ERG: variants seen among roughly 807,000 people sequenced by gnomAD.
ERG encodes the protein transcriptional regulator ERG.
A neutral mutation model predicts 55.3 loss-of-function variants in ERG; 9 were observed. The ratio of observed to expected loss-of-function variants is 0.16; its 90% confidence interval spans 0.10 to 0.28. The LOEUF is 0.28. Among genes scored for constraint, ERG ranks in the 10% least tolerant of loss-of-function variants. ERG has a pLI of 1.00. For synonymous variants in ERG, 223 were observed against 237.3 expected, an observed-to-expected ratio of 0.94 and a Z score of 0.55; for missense variants, 434 against 631.6, an observed-to-expected ratio of 0.69 and a Z score of 3.35.
chr21:38,540,204 A>C (rs947998727), intron 2 of ERG, among the ~76,000 whole-genome samples: 1 of 152,166 alleles, frequency 6.6e-6, no homozygotes, highest in Non-Finnish European at 1.5e-5. Context: ...AAAAGAAAAA[A>C]AATATTCAAA....
intron 1 of ERG, among the ~76,000 whole-genome samples, chr21:38,602,246 C>A (rs189121675): frequency 5.7e-4 from 87 of 152,170 alleles, no homozygotes; most frequent in Non-Finnish European, 8.4e-4. Flanking sequence ...AGATCAAGAT[C>A]ATCCTGGCTA....
chr21:38,422,345 A>C (rs1186466259), intron 3 of ERG, among the ~76,000 whole-genome samples: 3 of 152,272 alleles, frequency 2.0e-5, no homozygotes, highest in Non-Finnish European at 2.9e-5. Context: ...GCTGAGATTT[A>C]ATCCAATGCC....
rs140312640 is a variant in ERG at position 38,400,696 on chromosome 21, C to T, written c.674-51G>A. ...TGTGAAGGTCTTTTGTTGTGGTTGT[C>T]GATCTCAACATCAGCGCCAAATCTA... On this transcript the variant is annotated intron_variant, in intron 5 of 9. Transcript: ENST00000288319. 1,256 of 1,409,352 alleles carry T rather than the reference C, an allele frequency of 8.9e-4. 11 individuals carry two copies. The East Asian group carries it at 0.011, about 12-fold the overall frequency. The allele number at this position is 1,409,352 out of a possible 1,614,324, so 87.3% of individuals were successfully genotyped here. A position where few individuals can be genotyped will look rare whatever the true frequency, so the allele number is the denominator to read the frequency against.
intron 1 of ERG, among the ~76,000 whole-genome samples, chr21:38,449,565 G>C (rs1164593976): frequency 1.3e-5 from 2 of 152,006 alleles, no homozygotes; most frequent in Non-Finnish European, 2.9e-5. Context: ...CAAGTAACTA[G>C]AGTACAAAAA....
intron 2 of ERG, among the ~76,000 whole-genome samples, chr21:38,516,518 T>C (rs932282974): frequency 2.0e-5 from 3 of 151,892 alleles, no homozygotes; most frequent in African/African-American, 7.3e-5. Context: ...AGAACTAATA[T>C]CATTAAAATG....
intron 1 of ERG, among the ~76,000 whole-genome samples, chr21:38,488,529 T>C (rs956853437): frequency 2.6e-5 from 4 of 152,218 alleles, no homozygotes. Flanking sequence ...GTGTGTGCAC[T>C]GTGGTTTTAT....
intron 3 of ERG, among the ~76,000 whole-genome samples, chr21:38,409,675 C>T (rs1199632811): frequency 3.3e-5 from 5 of 151,822 alleles, no homozygotes; most frequent in Admixed American, 6.6e-5. Context: ...CAGCCTCATC[C>T]GACATGGGCA....
At chr21:38,621,016 G>C (rs1369525526) in intron 1 of ERG, among the ~76,000 whole-genome samples, 1 of 152,214 alleles carries the variant, frequency 6.6e-6, no homozygotes, top group East Asian at 1.9e-4. Flanking sequence ...ACTACTGGAG[G>C]ATTTCAAAGA....
At chr21:38,471,831 A>G (rs1297149538) in intron 1 of ERG, 1 of 152,220 alleles carries the variant, frequency 6.6e-6, no homozygotes, top group Admixed American at 6.5e-5. Context: ...ACGTGAAAAT[A>G]CTAGTATCCA....
At chr21:38,652,088 C>T (rs530615726) in intron 1 of ERG, among the ~76,000 whole-genome samples, 1 of 152,342 alleles carries the variant, frequency 6.6e-6, no homozygotes, top group South Asian at 2.1e-4. Context: ...TAACTTTACA[C>T]CTGAGATATT....
chr21:38,551,498 T>C (rs1306758160), intron 2 of ERG, among the ~76,000 whole-genome samples: 1 of 152,204 alleles, frequency 6.6e-6, no homozygotes, highest in African/African-American at 2.4e-5. Flanking sequence ...GCTATAAACT[T>C]TCCTGTTAAC....
rs1358754405 is a variant in ERG at position 38,383,970 on chromosome 21, C to T, written c.920-47G>A. On this transcript the variant is annotated intron_variant, in intron 9 of 9. Transcript: ENST00000288319. This position sits in a 1 kb window ranked among gnomAD's most constrained non-coding sequence, Gnocchi z 5.7. The stretch of plus-strand genomic sequence containing the variant: ...GGAAAACTCCAGTGAGCACAGGTTC[C>T]AGGGGAAAGAGGCTCTCTGTGATGA... 2 of 1,568,502 alleles carry T rather than the reference C, an allele frequency of 1.3e-6. No individual in the cohort carries two copies. Among genetic ancestry groups the T allele is most frequent in the Admixed American group, 1.8e-5 (1 of 56,718 alleles).
At chr21:38,573,211 G>C (rs369550204) in intron 2 of ERG, among the ~76,000 whole-genome samples, 3 of 152,232 alleles carry the variant, frequency 2.0e-5, no homozygotes, top group Admixed American at 6.5e-5. Flanking sequence ...CCTTGAAAGC[G>C]GGGTATTGTC....
Position 38,550,564 on chromosome 21 carries a change from T to C in ERG, c.-41+25098A>G, listed in dbSNP as rs374211831. 1.2e-4 allele frequency among the ~76,000 whole-genome samples: 18 copies of C among 152,262 alleles called. No individual in the cohort carries two copies. The East Asian group carries it at 2.1e-3, about 18-fold the overall frequency. ...TGAAGACCCAGCAAGAAGATGGACATCTATGAATCAGGAAGAGAGCCCTCA... is the reference window on the plus strand; with the variant it reads ...TGAAGACCCAGCAAGAAGATGGACACCTATGAATCAGGAAGAGAGCCCTCA... On this transcript the variant is annotated intron_variant, in intron 2 of 8. Coordinates refer to the ERG transcript ENST00000398897.
chr21:38,568,409 T>A (rs2059936718), intron 2 of ERG, among the ~76,000 whole-genome samples: 1 of 152,202 alleles, frequency 6.6e-6, no homozygotes. Flanking sequence ...GTAGATGCAC[T>A]ATTTCATTCC....
intron 1 of ERG, among the ~76,000 whole-genome samples, chr21:38,645,280 G>T (rs762082154): frequency 2.0e-5 from 3 of 152,130 alleles, no homozygotes; most frequent in Non-Finnish European, 4.4e-5. Flanking sequence ...CCCAGAAAAG[G>T]CAAGAAAAAC....
chr21:38,390,696 C>T (rs995913048), intron 9 of ERG, among the ~76,000 whole-genome samples: 11 of 152,202 alleles, frequency 7.2e-5, no homozygotes, highest in African/African-American at 2.4e-4. Flanking sequence ...TTCAGACTTC[C>T]AGCCTCCAGA....
intron 1 of ERG, among the ~76,000 whole-genome samples, chr21:38,456,252 T>C (rs2146583553): frequency 6.6e-6 from 1 of 152,278 alleles, no homozygotes; most frequent in South Asian, 2.1e-4. Flanking sequence ...GCAGGGTCTT[T>C]CCCTGCTGCC....
chr21:38,527,587 G>T (rs1279565657), intron 2 of ERG, among the ~76,000 whole-genome samples: 1 of 152,140 alleles, frequency 6.6e-6, no homozygotes, highest in Non-Finnish European at 1.5e-5. Flanking sequence ...GGCGTTGATT[G>T]CAGTTTTCTG....
Sources: gnomAD v4.1 joint callset for allele counts (sites outside exome capture counted in the v4.1 genomes callset) on GRCh38, gnomAD v4.1.1 for gene constraint, Gnocchi (gnomAD v3.1) non-coding constraint, MANE v1.5 for transcripts, NCBI Gene and HGNC (gene_info 2026-07-23, HGNC 2026-07-21) for gene names.